The following XKR9 variants were observed in gnomAD, a reference collection of about 807,000 sequenced individuals.
XKR9 encodes XK related 9.
In XKR9, 32 loss-of-function variants were observed where a neutral mutation model predicts 32.0. The ratio of observed to expected loss-of-function variants is 1.00; its 90% CI spans 0.76 to 1.34. XKR9 has a LOEUF of 1.34. Among genes scored for constraint, XKR9 ranks in the 40% most tolerant of loss-of-function variants. The pLI is 0.00. For synonymous variants in XKR9, 168 were observed against 143.4 expected (o/e 1.17, Z -1.22); for missense variants, 546 against 429.7 (o/e 1.27, Z -2.39).
downstream of XKR9, among the ~76,000 whole-genome samples, chr8:70,737,452 C>A (rs1175966811): frequency 6.8e-6 from 1 of 147,968 alleles, no homozygotes; most frequent in Admixed American, 6.8e-5. Flanking sequence ...TGATTGAATA[C>A]CCTTTATTTC....
chr8:70,849,261 C>A, the XKR9 span, among the ~76,000 whole-genome samples: 1 of 152,144 alleles, frequency 6.6e-6, no homozygotes. Context: ...TCTTAACAAA[C>A]AATCTCTCAG....
intron 3 of XKR9, among the ~76,000 whole-genome samples, chr8:70,705,100 G>T (rs1430321088): frequency 6.6e-6 from 1 of 152,046 alleles, no homozygotes; most frequent in Non-Finnish European, 1.5e-5. Context: ...ATTTACAATG[G>T]GAATACTTTA....
rs561371284 is a variant in XKR9 at position 70,755,395 on chromosome 8, C to A, written n.353-33944C>A. Among the ~76,000 whole-genome samples the A allele has an allele frequency of 1.0e-3, 158 of 152,246 alleles. 1 individual carries two copies. Among genetic ancestry groups the A allele is most frequent in the Non-Finnish European group, 1.3e-3 (90 of 68,016 alleles). ...AACTAGAAATACCATTTGACCCAGC[C>A]ACCTCATTACTGGGTATATACCCAA... On this transcript the variant is annotated intron_variant and non_coding_transcript_variant, in intron 2 of 3. Transcript: ENST00000520273.
chr8:71,063,741 C>G, the XKR9 span, among the ~76,000 whole-genome samples: 1 of 152,066 alleles, frequency 6.6e-6, no homozygotes, highest in Admixed American at 6.5e-5. Context: ...ACTAAATTCT[C>G]CTGAAGGTGC....
the XKR9 span, among the ~76,000 whole-genome samples, chr8:70,942,445 A>AGT: frequency 6.6e-6 from 1 of 152,108 alleles, no homozygotes; most frequent in African/African-American, 2.4e-5. Flanking sequence ...GGTAACCAAA[A>AGT]AACAGCCCAC....
the XKR9 span, among the ~76,000 whole-genome samples, chr8:70,974,849 C>G: frequency 6.6e-6 from 1 of 152,202 alleles, no homozygotes; most frequent in African/African-American, 2.4e-5. Context: ...AGCTTACACT[C>G]CCACCAACAG....
chr8:70,701,539 G>T (rs1011254579), intron 3 of XKR9, among the ~76,000 whole-genome samples: 1 of 152,058 alleles, frequency 6.6e-6, no homozygotes, highest in African/African-American at 2.4e-5. Context: ...CTTTCTCTTT[G>T]TATATTTTTA....
At chr8:71,063,055 C>A in the XKR9 span, among the ~76,000 whole-genome samples, 31 of 152,162 alleles carry the variant, frequency 2.0e-4, no homozygotes, top group Non-Finnish European at 4.4e-4. Flanking sequence ...GTTTAGTCTT[C>A]TTTCCTGTAA....
chr8:71,013,590 C>T, the XKR9 span, among the ~76,000 whole-genome samples: 1 of 152,140 alleles, frequency 6.6e-6, no homozygotes, highest in Non-Finnish European at 1.5e-5. Context: ...AAGAGGATGA[C>T]CAGCAAAATT....
chr8:71,030,243 G>A, the XKR9 span, among the ~76,000 whole-genome samples: 1 of 152,136 alleles, frequency 6.6e-6, no homozygotes, highest in East Asian at 1.9e-4. Context: ...TTTAGAGAAA[G>A]GAGAATCTTA....
At chr8:70,761,407 GGT>G (rs1807307314) in intron 2 of XKR9, among the ~76,000 whole-genome samples, 1 of 152,014 alleles carries the variant, frequency 6.6e-6, no homozygotes, top group African/African-American at 2.4e-5. Flanking sequence ...CACTCTGACT[GGT>G]GTGAGATGGT....
At chr8:71,034,455 G>C in the XKR9 span, among the ~76,000 whole-genome samples, 877 of 152,298 alleles carry the variant, frequency 5.8e-3, 10 homozygotes, top group African/African-American at 0.02. Context: ...CCAGTCTCAG[G>C]TATGTCCCTA....
chr8:70,737,153 G>A (rs1210865196), downstream of XKR9, among the ~76,000 whole-genome samples: 1 of 144,866 alleles, frequency 6.9e-6, no homozygotes, highest in East Asian at 1.9e-4. Context: ...CTGAGCAGTG[G>A]TTTGTAGTTC....
the XKR9 span, among the ~76,000 whole-genome samples, chr8:71,035,934 C>G: frequency 2.6e-5 from 4 of 152,142 alleles, no homozygotes; most frequent in Non-Finnish European, 4.4e-5. Flanking sequence ...CACAGGAATA[C>G]AGAGAAGAAT....
At chr8:70,799,353 CG>C in the XKR9 span, among the ~76,000 whole-genome samples, 1 of 152,018 alleles carries the variant, frequency 6.6e-6, no homozygotes, top group Non-Finnish European at 1.5e-5. Flanking sequence ...TTTTTTGAGA[CG>C]GAGTCTCACT....
the XKR9 span, among the ~76,000 whole-genome samples, chr8:71,032,043 C>G: frequency 6.6e-6 from 1 of 152,070 alleles, no homozygotes; most frequent in Non-Finnish European, 1.5e-5. Flanking sequence ...GCCTGTAATC[C>G]CACACTTTGG....
At chr8:70,872,181 G>A in the XKR9 span, among the ~76,000 whole-genome samples, 1 of 152,166 alleles carries the variant, frequency 6.6e-6, no homozygotes, top group Non-Finnish European at 1.5e-5. Flanking sequence ...ATACTCCAGT[G>A]AACACACAAA....
the XKR9 span, among the ~76,000 whole-genome samples, chr8:70,851,015 T>C: frequency 1.3e-5 from 2 of 152,214 alleles, no homozygotes; most frequent in South Asian, 2.1e-4. Flanking sequence ...GATGACCCAA[T>C]TGTATATTTA....
chr8:70,913,183 AACAT>A, the XKR9 span, among the ~76,000 whole-genome samples: 1 of 152,212 alleles, frequency 6.6e-6, no homozygotes, highest in Non-Finnish European at 1.5e-5. Flanking sequence ...GAGAATAAGA[AACAT>A]ACATTTTAAA....
Sources: gnomAD v4.1 joint callset for allele counts (sites outside exome capture counted in the v4.1 genomes callset) on GRCh38, gnomAD v4.1.1 for gene constraint, MANE v1.5 for transcripts, NCBI Gene and HGNC (gene_info 2026-07-23, HGNC 2026-07-21) for gene names.